GATB: variants seen among roughly 807,000 people sequenced by gnomAD.
GATB encodes the protein glutamyl-tRNA(Gln) amidotransferase subunit B, mitochondrial.
Under a neutral mutation model 62.3 loss-of-function variants are expected in GATB, and 39 were observed. That is an observed-to-expected ratio of 0.63 (90% CI 0.48 to 0.82). The LOEUF (loss-of-function observed/expected upper bound fraction) is 0.82, where lower values mean the gene tolerates loss of function less well. GATB is among the 40% of genes least tolerant of loss of function. The pLI, the probability that GATB is intolerant of heterozygous loss-of-function variation, is 0.00. For missense variants in GATB, 670 were observed against 684.0 expected (o/e 0.98, Z 0.23); for synonymous variants, 276 against 258.9 (o/e 1.07, Z -0.63).
intron 2 of GATB, among the ~76,000 whole-genome samples, chr4:151,749,955 C>T (rs769215304): frequency 6.6e-5 from 10 of 152,078 alleles, no homozygotes; most frequent in Non-Finnish European, 1.0e-4. Context: ...TATCTCGGCT[C>T]ACTGCAAGCT....
At chr4:151,713,176 G>A (rs1041527307) in intron 5 of GATB, among the ~76,000 whole-genome samples, 3 of 152,048 alleles carry the variant, frequency 2.0e-5, no homozygotes, top group African/African-American at 7.3e-5. Context: ...GGACCATCTA[G>A]TTGCAGGAAA....
At chr4:151,753,240 A>C (rs113801043) in intron 2 of GATB, among the ~76,000 whole-genome samples, 2,027 of 152,286 alleles carry the variant, frequency 0.013, 42 homozygotes, top group African/African-American at 0.046. Flanking sequence ...GGGCAGCTGC[A>C]GAGGGTCAGG....
rs2080739466 is a variant in GATB, at chr4:151,716,127, C to T, written c.645G>A (p.Val215=). The T allele has an allele frequency of 1.2e-6, 2 of 1,612,920 alleles. No individual in the cohort carries two copies. The highest frequency in any genetic ancestry group is 1.7e-6 in the Non-Finnish European group (2 of 1,179,472). The stretch of plus-strand genomic sequence containing the variant: ...GCTCCAGGACCACCTCCAGAAGGCC[C>T]ACTCCTACCAAAGAGGGGCAGAGTC... ...QTLIDLNRAG[V]GLLEVVLEPD... The change falls in exon 5 of 13, where the codon GTG becomes GTA. Residue 215 remains valine (V), a synonymous_variant. Coordinates refer to ENST00000263985, the MANE Select transcript of GATB (RefSeq NM_004564.3).
At chr4:151,706,777 T>C (rs1456842549) in intron 6 of GATB, among the ~76,000 whole-genome samples, 1 of 152,242 alleles carries the variant, frequency 6.6e-6, no homozygotes, top group Non-Finnish European at 1.5e-5. Flanking sequence ...ACCAGGGCTC[T>C]ATTAAACATT....
chr4:151,689,870 G>A (rs1738328503), intron 9 of GATB, among the ~76,000 whole-genome samples: 1 of 152,008 alleles, frequency 6.6e-6, no homozygotes, highest in African/African-American at 2.4e-5. Context: ...AGATAGTTTT[G>A]ACACAATCAA....
At chr4:151,680,503 A>T (rs1275576977) in intron 10 of GATB, among the ~76,000 whole-genome samples, 3 of 152,270 alleles carry the variant, frequency 2.0e-5, no homozygotes, top group East Asian at 1.9e-4. Flanking sequence ...CTAGGATGTG[A>T]CTTATTTGCC....
rs375509428 is a variant in GATB at position 151,701,432 on chromosome 4, T to C, written c.1094A>G (p.Asn365Ser). ...PAGADPQQVI[N>S]IDQIRETLPE... Reference sequence around the variant, plus strand: ...GAGTGTCTCCCGAATCTGGTCAATATTGATCACTTGCTGTGGGTCTGCACC... The same window carrying C: ...GAGTGTCTCCCGAATCTGGTCAATACTGATCACTTGCTGTGGGTCTGCACC... Residue 365 changes from asparagine to serine, a missense_variant, in exon 9 of 13, where the codon AAT becomes AGT. Coordinates refer to ENST00000263985, the MANE Select transcript of GATB (RefSeq NM_004564.3). The C allele has an allele frequency of 8.1e-6, 13 of 1,605,046 alleles. No homozygotes were observed. The highest frequency in any genetic ancestry group is 5.4e-5 in the African/African-American group (4 of 74,634).
intron 2 of GATB, among the ~76,000 whole-genome samples, chr4:151,755,774 A>AT: frequency 6.6e-6 from 1 of 152,248 alleles, no homozygotes; most frequent in South Asian, 2.1e-4. Flanking sequence ...TTTCCCACTG[A>AT]TTTTTGCTTC....
intron 2 of GATB, among the ~76,000 whole-genome samples, chr4:151,748,018 A>G (rs966637799): frequency 6.6e-6 from 1 of 152,248 alleles, no homozygotes; most frequent in African/African-American, 2.4e-5. Flanking sequence ...AAAAGAGGAC[A>G]TAAACAAATG....
Position 151,673,642 on chromosome 4 carries a change from GACA to G in GATB, c.1411-749_1411-747del, listed in dbSNP as rs541030168. ...GGCATTTTTTTTTTACTTAAAAAAT[GACA>G]ACAACAAATCCCCAAATTCATCAAA... On this transcript the variant is annotated intron_variant, in intron 11 of 12. Transcript: ENST00000263985. The G allele has an allele frequency of 7.2e-5, 11 of 152,180 alleles. No homozygotes were observed. In the South Asian group the frequency reaches 1.9e-3, roughly 26 times the overall value. The allele number at this position is 152,180 out of a possible 1,614,324, so 9.4% of individuals were successfully genotyped here.
At chr4:151,696,671 C>T (rs1469506401) in intron 9 of GATB, among the ~76,000 whole-genome samples, 4 of 152,148 alleles carry the variant, frequency 2.6e-5, no homozygotes, top group South Asian at 4.1e-4. Context: ...ATTAAAAAGT[C>T]GTACAATGTG....
At position 151,749,646 on chromosome 4, in the gene GATB, T is replaced by G. The variant is rs918379052; in HGVS notation, c.327+9126A>C. Among the ~76,000 whole-genome samples the G allele has an allele frequency of 2.6e-4, 40 of 151,552 alleles. 1 individual carries two copies. Among genetic ancestry groups the G allele is most frequent in the South Asian group, 1.9e-3 (9 of 4,796 alleles). On this transcript the variant is annotated intron_variant, in intron 2 of 12. Transcript: ENST00000263985. The stretch of plus-strand genomic sequence containing the variant: ...AGAACTTCAAGTATAATTATATATA[T>G]ATAATAAAACAAAAAGAAAAAAGAA...
chr4:151,719,387 G>A (rs1003449422), intron 3 of GATB, 38 bp downstream of exon 3: 1 of 1,466,080 alleles, frequency 6.8e-7, no homozygotes, highest in Middle Eastern at 1.8e-4. Flanking sequence ...GCCCAGCTCT[G>A]AGAACTTGCA....
intron 12 of GATB, among the ~76,000 whole-genome samples, chr4:151,672,106 GTAT>G (rs1737882191): frequency 6.6e-6 from 1 of 152,090 alleles, no homozygotes; most frequent in Non-Finnish European, 1.5e-5. Flanking sequence ...GGGTGGGTGG[GTAT>G]TATTCTGAAA....
chr4:151,731,119 C>A (rs1032722108), intron 2 of GATB, among the ~76,000 whole-genome samples: 20 of 145,018 alleles, frequency 1.4e-4, no homozygotes, highest in African/African-American at 5.0e-4. Context: ...CTCCCCCTCT[C>A]CCCACGGTCT....
chr4:151,742,583 G>T (rs1247529107), intron 2 of GATB, among the ~76,000 whole-genome samples: 1 of 152,184 alleles, frequency 6.6e-6, no homozygotes, highest in Admixed American at 6.5e-5. Flanking sequence ...ATGGGAGTCT[G>T]CCCTAAGAAT....
At chr4:151,746,866 T>C (rs1023291205) in intron 2 of GATB, among the ~76,000 whole-genome samples, 1 of 152,100 alleles carries the variant, frequency 6.6e-6, no homozygotes, top group African/African-American at 2.4e-5. Context: ...TACATTTATA[T>C]ATACATATAA....
At chr4:151,706,152 C>T (rs990529736) in intron 6 of GATB, among the ~76,000 whole-genome samples, 9 of 152,298 alleles carry the variant, frequency 5.9e-5, no homozygotes, top group African/African-American at 1.7e-4. Flanking sequence ...TTGGTTGACA[C>T]GAGATGATGG....
intron 10 of GATB, 84 bp from the exon 11 acceptor site, chr4:151,679,975 G>T: frequency 1.6e-6 from 2 of 1,219,242 alleles, no homozygotes; most frequent in Non-Finnish European, 2.4e-6. Flanking sequence ...CAGAACACTT[G>T]CTCTAGTGGG....
Sources: gnomAD v4.1 joint callset for allele counts (sites outside exome capture counted in the v4.1 genomes callset) on GRCh38, gnomAD v4.1.1 for gene constraint, MANE v1.5 for transcripts, NCBI Gene and HGNC (gene_info 2026-07-23, HGNC 2026-07-21) for gene names.